The following CHLSN variants were observed in gnomAD, a reference collection of about 807,000 sequenced individuals.
CHLSN encodes the protein protein cholesin.
the CHLSN span, among the ~76,000 whole-genome samples, chr7:1,061,287 T>G: frequency 1.3e-5 from 2 of 152,098 alleles, no homozygotes; most frequent in African/African-American, 4.8e-5. Context: ...AGGGACACCC[T>G]GCTGCCTGGT....
At chr7:987,164 A>G in the CHLSN span, 4 of 1,574,774 alleles carry the variant, frequency 2.5e-6, no homozygotes, top group South Asian at 1.2e-5. Flanking sequence ...CACCCTGGAC[A>G]TGGTCATGGC....
the CHLSN span, among the ~76,000 whole-genome samples, chr7:1,099,194 C>T: frequency 1.3e-5 from 2 of 149,300 alleles, no homozygotes; most frequent in African/African-American, 2.5e-5. Flanking sequence ...TCCGGAGCCT[C>T]GCTGTCGCGT....
the CHLSN span, among the ~76,000 whole-genome samples, chr7:1,010,500 G>A: frequency 3.3e-5 from 5 of 152,326 alleles, no homozygotes; most frequent in South Asian, 1.0e-3. Context: ...CCCCCAGGGA[G>A]GGCTGAAGGT....
At chr7:1,123,482 G>A in the CHLSN span, among the ~76,000 whole-genome samples, 80 of 152,276 alleles carry the variant, frequency 5.3e-4, no homozygotes, top group Non-Finnish European at 1.0e-3. This position sits in a 1 kb window ranked among gnomAD's most constrained non-coding sequence, Gnocchi z 4.4. Context: ...GGGGAGGGGA[G>A]GGAAGCAGCG....
chr7:1,065,403 G>A, the CHLSN span, among the ~76,000 whole-genome samples: 1 of 152,248 alleles, frequency 6.6e-6, no homozygotes, highest in Non-Finnish European at 1.5e-5. Context: ...GCCCAACACT[G>A]GAAACAACCC....
chr7:1,016,727 AGCAGCACACG>A, the CHLSN span, among the ~76,000 whole-genome samples: 1 of 118,304 alleles, frequency 8.5e-6, no homozygotes. Flanking sequence ...AGCAGCACAC[AGCAGCACACG>A]CCAGCGCACA....
chr7:1,030,245 C>T, the CHLSN span, among the ~76,000 whole-genome samples: 2 of 152,182 alleles, frequency 1.3e-5, no homozygotes, highest in Non-Finnish European at 2.9e-5. Context: ...CCTCCATAAA[C>T]GCGCCAATCC....
At chr7:988,480 C>T in the CHLSN span, 3 of 1,604,230 alleles carry the variant, frequency 1.9e-6, no homozygotes, top group Non-Finnish European at 2.6e-6. Flanking sequence ...TGGGACGGCC[C>T]CAGCTCCGCC....
the CHLSN span, among the ~76,000 whole-genome samples, chr7:1,041,518 C>A: frequency 1.3e-5 from 2 of 152,338 alleles, no homozygotes; most frequent in East Asian, 1.9e-4. Flanking sequence ...AACAACACCA[C>A]GTTTTACTAA....
At chr7:1,093,822 G>A in the CHLSN span, 2 of 389,686 alleles carry the variant, frequency 5.1e-6, no homozygotes, top group South Asian at 3.8e-5. Flanking sequence ...CCTTCCGGAG[G>A]CTCTGTCTTG....
chr7:1,124,566 T>TG, the CHLSN span, among the ~76,000 whole-genome samples: 7 of 25,286 alleles, frequency 2.8e-4, no homozygotes, highest in South Asian at 1.5e-3. Flanking sequence ...AGTCGGGGGG[T>TG]GGGGGGGGAG....
At chr7:1,055,312 C>T in the CHLSN span, 12 of 471,186 alleles carry the variant, frequency 2.5e-5, no homozygotes, top group Admixed American at 9.4e-5. Context: ...GGCCCTCACA[C>T]GCACGCGCAG....
the CHLSN span, chr7:1,028,858 C>T: frequency 1.2e-6 from 1 of 806,408 alleles, no homozygotes; most frequent in Non-Finnish European, 1.5e-6. Flanking sequence ...CCCAGTCTGC[C>T]ATCTCCCCAA....
chr7:1,041,463 C>T, the CHLSN span, among the ~76,000 whole-genome samples: 3 of 151,838 alleles, frequency 2.0e-5, no homozygotes, highest in African/African-American at 7.2e-5. Flanking sequence ...TGCCCAGGGA[C>T]TCCACAATTC....
At chr7:1,000,473 G>T in the CHLSN span, 1 of 1,602,286 alleles carries the variant, frequency 6.2e-7, no homozygotes, top group Non-Finnish European at 8.5e-7. Context: ...CACACACCTT[G>T]TCACTGTCAT....
At chr7:986,563 C>G in the CHLSN span, 2 of 1,583,188 alleles carry the variant, frequency 1.3e-6, no homozygotes, top group East Asian at 2.2e-5. Flanking sequence ...CGATCACCGC[C>G]TGCCCAGCGT....
At chr7:1,002,266 TGGAGC>T in the CHLSN span, among the ~76,000 whole-genome samples, 2 of 74,168 alleles carry the variant, frequency 2.7e-5, no homozygotes, top group Non-Finnish European at 2.6e-5. Flanking sequence ...TGTGGGTGAG[TGGAGC>T]CCTGTGGGTG....
the CHLSN span, among the ~76,000 whole-genome samples, chr7:1,108,758 G>A: frequency 3.3e-5 from 5 of 152,136 alleles, no homozygotes; most frequent in Non-Finnish European, 4.4e-5. Flanking sequence ...CGCCCCTACC[G>A]TGTGCACCCG....
At chr7:1,027,924 G>A in the CHLSN span, among the ~76,000 whole-genome samples, 1 of 152,202 alleles carries the variant, frequency 6.6e-6, no homozygotes, top group Admixed American at 6.5e-5. Context: ...GGGGAGCCTG[G>A]CCGGTTGCGG....
Sources: allele counts gnomAD v4.1 joint callset (sites outside exome capture counted in the v4.1 genomes callset), GRCh38; gene constraint gnomAD v4.1.1; non-coding constraint Gnocchi (gnomAD v3.1); transcripts MANE v1.5; gene names NCBI Gene and HGNC (gene_info 2026-07-23, HGNC 2026-07-21).